The following SPIRE1 variants were observed in gnomAD, a reference collection of about 807,000 sequenced individuals.
The protein encoded by SPIRE1 is protein spire homolog 1.
SPIRE1 carries 40 observed loss-of-function variants against 94.1 expected under a neutral mutation model. The observed-to-expected ratio is 0.43, with a 90% CI of 0.33 to 0.55. The LOEUF (loss-of-function observed/expected upper bound fraction) is 0.55. Ranked by LOEUF, SPIRE1 falls within the 20% of genes least tolerant of loss-of-function variation. The probability of loss-of-function intolerance (pLI) is 0.06; values close to 1 mark genes in which losing one functional copy is unlikely to be tolerated. For missense variants in SPIRE1, 838 were observed against 975.2 expected, an observed-to-expected ratio of 0.86 and a Z score of 1.87; for synonymous variants, 376 against 371.7, an observed-to-expected ratio of 1.01 and a Z score of -0.13.
intron 6 of SPIRE1, among the ~76,000 whole-genome samples, chr18:12,499,138 A>G (rs1339931462): frequency 6.6e-6 from 1 of 152,178 alleles, no homozygotes; most frequent in African/African-American, 2.4e-5. Flanking sequence ...TACAAAACCA[A>G]GTTATAGTTT....
intron 2 of SPIRE1, among the ~76,000 whole-genome samples, chr18:12,604,650 G>A (rs1244224737): frequency 1.3e-5 from 2 of 152,100 alleles, no homozygotes; most frequent in African/African-American, 2.4e-5. Context: ...ACCACTAGGT[G>A]CAAGACACTG....
chr18:12,635,087 C>A lies in SPIRE1; in HGVS notation c.347G>T (p.Gly116Val). 1 of 1,416,330 alleles carries A rather than the reference C, an allele frequency of 7.1e-7. No homozygotes were observed. Among genetic ancestry groups the A allele is most frequent in the Non-Finnish European group, 9.7e-7 (1 of 1,033,858 alleles). 87.7% of individuals were successfully genotyped at this position (1,416,330 alleles called of 1,614,324 possible). Reference sequence around the variant, plus strand: ...CTCTGTTTCCATACATTGTGAATATCCCAATTTACCTGTAATAAAAATGAA... The same window carrying A: ...CTCTGTTTCCATACATTGTGAATATACCAATTTACCTGTAATAAAAATGAA... ...GEPPPVAGKL[G>V]YSQCMETEVI... Residue 116 changes from glycine to valine, a missense_variant, in exon 2 of 17, where the codon GGA (glycine) becomes GTA (valine). By Grantham distance (109) the Gly-to-Val change is moderately radical (BLOSUM62 -3). Around this residue, in one of 2 missense-constraint regions of SPIRE1, gnomAD observed 645 missense variants for 804.7 expected, o/e 0.80. Transcript: ENST00000409402.
chr18:12,560,323 G>C (rs1486813848), intron 2 of SPIRE1, among the ~76,000 whole-genome samples: 1 of 152,040 alleles, frequency 6.6e-6, no homozygotes, highest in East Asian at 1.9e-4. Context: ...GCTAAGATTT[G>C]GAAACAACCT....
intron 2 of SPIRE1, among the ~76,000 whole-genome samples, chr18:12,609,400 T>C (rs181455908): frequency 6.6e-6 from 1 of 152,168 alleles, no homozygotes; most frequent in African/African-American, 2.4e-5. Flanking sequence ...ACTGGCAAGG[T>C]GGGAGTACTT....
intron 6 of SPIRE1, among the ~76,000 whole-genome samples, chr18:12,505,565 A>G (rs1358848882): frequency 1.3e-5 from 2 of 151,726 alleles, no homozygotes; most frequent in African/African-American, 2.4e-5. Context: ...AAAAAAAAAA[A>G]AACAAAAAAA....
chr18:12,633,371 G>A (rs934295651), intron 2 of SPIRE1, among the ~76,000 whole-genome samples: 8 of 152,162 alleles, frequency 5.3e-5, no homozygotes, highest in African/African-American at 1.9e-4. Flanking sequence ...GAGACCGGGA[G>A]TTTGAGACCA....
intron 3 of SPIRE1, among the ~76,000 whole-genome samples, chr18:12,545,701 T>C (rs779363238): frequency 6.6e-6 from 1 of 152,106 alleles, no homozygotes; most frequent in Non-Finnish European, 1.5e-5. Context: ...TCATTACATA[T>C]AAATACCACT....
In SPIRE1 at chr18:12,512,472, C is replaced by T; in HGVS notation, c.789G>A (p.Glu263=). ...CTCTTACCCAGTCAGCGTTTTTCAG[C>T]TCTTCCAAGTCTGTGCTAGATTCAT... ...KSDESSTDLE[E]LKNADWARFW... The change falls in exon 5 of 17, where the codon GAG becomes GAA. Residue 263 remains glutamate (E), a synonymous_variant. Transcript: ENST00000409402. 6.2e-7 allele frequency: 1 copy of T among 1,612,398 alleles called. No homozygotes were observed. The highest frequency in any genetic ancestry group is 8.5e-7 in the Non-Finnish European group (1 of 1,178,792).
intron 1 of SPIRE1, among the ~76,000 whole-genome samples, chr18:12,648,122 ATCT>A (rs1207853313): frequency 2.0e-5 from 3 of 152,204 alleles, no homozygotes; most frequent in East Asian, 1.9e-4. Flanking sequence ...GAAGGCACAA[ATCT>A]TCTTCACAGA....
At chr18:12,603,802 T>C (rs8094172) in intron 2 of SPIRE1, among the ~76,000 whole-genome samples, 85,101 of 151,914 alleles carry the variant, frequency 0.56, 25,041 homozygotes, top group Middle Eastern at 0.76. Flanking sequence ...CTTGAACTCC[T>C]GACCTTGTGA....
intron 2 of SPIRE1, among the ~76,000 whole-genome samples, chr18:12,579,563 G>A (rs1159871563): frequency 6.6e-6 from 1 of 152,172 alleles, no homozygotes; most frequent in Non-Finnish European, 1.5e-5. Context: ...GAAACAGATA[G>A]TGGCAATGGT....
upstream of SPIRE1, among the ~76,000 whole-genome samples, chr18:12,660,382 C>T (rs12955693): frequency 0.24 from 35,842 of 150,900 alleles, 5,554 homozygotes; most frequent in Non-Finnish European, 0.34. Flanking sequence ...GGGTCAGTGC[C>T]GCGATTTCAG....
intron 10 of SPIRE1, among the ~76,000 whole-genome samples, chr18:12,474,483 T>C (rs2032483647): frequency 1.3e-5 from 2 of 152,218 alleles, no homozygotes; most frequent in African/African-American, 4.8e-5. Context: ...ATTGACACTG[T>C]ACTTCTGTGT....
At chr18:12,520,124 G>C (rs1205871068) in intron 4 of SPIRE1, among the ~76,000 whole-genome samples, 1 of 152,030 alleles carries the variant, frequency 6.6e-6, no homozygotes, top group Non-Finnish European at 1.5e-5. Flanking sequence ...TTACTGATAT[G>C]AAATGATCTC....
At chr18:12,505,266 C>A (rs923867729) in intron 6 of SPIRE1, among the ~76,000 whole-genome samples, 1 of 152,094 alleles carries the variant, frequency 6.6e-6, no homozygotes, top group Non-Finnish European at 1.5e-5. Context: ...ATATTTTGGC[C>A]AAGTGCCGTG....
intron 2 of SPIRE1, among the ~76,000 whole-genome samples, chr18:12,625,855 C>G (rs559506158): frequency 4.4e-4 from 67 of 152,166 alleles, no homozygotes; most frequent in African/African-American, 1.6e-3. Context: ...TCAGCCTGGC[C>G]AACATGGTGA....
At chr18:12,569,062 C>T (rs1235663304) in intron 2 of SPIRE1, among the ~76,000 whole-genome samples, 1 of 152,050 alleles carries the variant, frequency 6.6e-6, no homozygotes, top group African/African-American at 2.4e-5. Flanking sequence ...ATAACATGGC[C>T]GGGTGCGGTG....
At chr18:12,514,641 C>G (rs1315946218) in intron 4 of SPIRE1, among the ~76,000 whole-genome samples, 1 of 152,134 alleles carries the variant, frequency 6.6e-6, no homozygotes, top group East Asian at 1.9e-4. Context: ...GAAGCTCAAT[C>G]AGAGGGAGTA....
At chr18:12,576,348 G>C (rs62097102) in intron 2 of SPIRE1, among the ~76,000 whole-genome samples, 1 of 151,430 alleles carries the variant, frequency 6.6e-6, no homozygotes, top group African/African-American at 2.4e-5. Context: ...CTGTAATCCT[G>C]ACACTTTGGG....
Sources: gnomAD v4.1 joint callset for allele counts (sites outside exome capture counted in the v4.1 genomes callset) on GRCh38, gnomAD v4.1.1 for gene constraint, gnomAD v4.1.1 regional missense constraint, MANE v1.5 for transcripts, NCBI Gene and HGNC (gene_info 2026-07-23, HGNC 2026-07-21) for gene names.